The following NCOR1 variants were observed in gnomAD, a reference collection of about 807,000 sequenced individuals.
NCOR1 encodes protein phosphatase 1, regulatory subunit 109.
NCOR1 carries 63 observed loss-of-function variants against 288.1 expected under a neutral mutation model. The observed-to-expected ratio is 0.22, with a 90% confidence interval of 0.18 to 0.27. The LOEUF (loss-of-function observed/expected upper bound fraction) is 0.27, where lower values mean the gene tolerates loss of function less well. Among genes scored for constraint, NCOR1 ranks in the 10% least tolerant of loss-of-function variants. NCOR1 has a pLI of 1.00. For synonymous variants in NCOR1, 1,007 were observed against 1,065.9 expected (o/e 0.94, Z 1.08); for missense variants, 2,397 against 3,019.2 (o/e 0.79, Z 4.83).
intron 37 of NCOR1, among the ~76,000 whole-genome samples, chr17:16,058,974 G>A (rs866713962): frequency 1.0e-4 from 15 of 150,746 alleles, no homozygotes; most frequent in South Asian, 2.1e-4. Context: ...GCTTGAACCC[G>A]GGAGGCGGAG....
chr17:16,149,572 G>A, intron 8 of NCOR1, 55 bp from the exon 9 acceptor site: 2 of 820,550 alleles, frequency 2.4e-6, no homozygotes, highest in Non-Finnish European at 1.9e-6. Flanking sequence ...ATTTAATAAT[G>A]CATTCACTTT....
intron 43 of NCOR1, chr17:16,040,139 A>G (rs1428552652): frequency 1.9e-6 from 1 of 526,920 alleles, no homozygotes; most frequent in Admixed American, 2.2e-5. Context: ...TTTGTTTCCC[A>G]AGTGAATCAG....
chr17:16,032,125 T>C lies in NCOR1; in HGVS notation c.*171A>G, dbSNP rs1213523924. 4.6e-6 allele frequency: 3 copies of C among 658,838 alleles called. No individual in the cohort carries two copies. Among genetic ancestry groups the C allele is most frequent in the Admixed American group, 3.9e-5 (1 of 25,526 alleles). 40.8% of individuals were successfully genotyped at this position (658,838 alleles called of 1,614,324 possible). A position where few individuals can be genotyped will look rare whatever the true frequency, so the allele number is the denominator to read the frequency against. ...AGTTTTTTGTTTGTTTTTTTCCCAT[T>C]TGACTCTCCAAATGAACTTCCATCA... On this transcript the variant is annotated 3_prime_UTR_variant, in exon 46 of 46. Coordinates refer to ENST00000268712, the MANE Select transcript of NCOR1 (RefSeq NM_006311.4).
intron 13 of NCOR1, 168 bp downstream of exon 13, chr17:16,137,984 CTGTGTT>C (rs1385201280): frequency 1.9e-5 from 10 of 538,620 alleles, no homozygotes; most frequent in African/African-American, 1.6e-4. Flanking sequence ...GTTCTGTGTT[CTGTGTT>C]ACGATTTCTC....
At chr17:16,063,582 C>T (rs948625295) in intron 35 of NCOR1, among the ~76,000 whole-genome samples, 9 of 152,184 alleles carry the variant, frequency 5.9e-5, no homozygotes, top group African/African-American at 1.9e-4. Flanking sequence ...CCGGGACCAG[C>T]CATACCCACT....
In NCOR1 at chr17:16,072,246, C is replaced by G. The variant is rs201256682; in HGVS notation, c.3812-18G>C. On this transcript the variant is annotated intron_variant, in intron 28 of 45. Coordinates refer to ENST00000268712, the MANE Select transcript of NCOR1 (RefSeq NM_006311.4). ...TATCAGCCCTTCCAAAACAAGAAAG[C>G]AATTCAATTATTCAACATAATGTAT... is the stretch of plus-strand genomic sequence containing the variant. The G allele has an allele frequency of 7.7e-4, 1,218 of 1,583,568 alleles. 10 individuals are homozygous for G. Among genetic ancestry groups the G allele is most frequent in the South Asian group, 8.6e-4 (77 of 89,224 alleles).
At chr17:16,143,083 A>T (rs2077375207) in intron 11 of NCOR1, among the ~76,000 whole-genome samples, 1 of 152,256 alleles carries the variant, frequency 6.6e-6, no homozygotes, top group Admixed American at 6.5e-5. Flanking sequence ...GATGACTCTG[A>T]TATCTAACCA....
At chr17:16,083,808 C>T (rs952427655) in intron 23 of NCOR1, among the ~76,000 whole-genome samples, 1 of 152,000 alleles carries the variant, frequency 6.6e-6, no homozygotes, top group Non-Finnish European at 1.5e-5. Flanking sequence ...TTTCCCCTTA[C>T]TTTGCTACAT....
chr17:16,044,131 T>C (rs2058228036), intron 42 of NCOR1, among the ~76,000 whole-genome samples: 1 of 133,968 alleles, frequency 7.5e-6, no homozygotes. Context: ...ATCGTGCCAC[T>C]GCACTCCAGC....
chr17:16,070,368 T>G lies in NCOR1; in HGVS notation c.4310A>C (p.Asp1437Ala). Residue 1437 changes from aspartate to alanine, a missense_variant, in exon 31 of 46, where the codon GAT becomes GCT. Physicochemically the swap from Asp to Ala is moderately radical, Grantham distance 126. Transcript: ENST00000268712. ...IKVVERGKYE[D>A]VKAGETVRSR... ...ACGCACGGTCTCGCCTGCTTTCACA[T>G]CCTCATATTTTCCCCGTTCTACCAC... 2 of 1,614,154 alleles carry G rather than the reference T, an allele frequency of 1.2e-6. No individual in the cohort carries two copies. The highest frequency in any genetic ancestry group is 1.7e-6 in the Non-Finnish European group (2 of 1,180,022).
intron 3 of NCOR1, among the ~76,000 whole-genome samples, chr17:16,183,758 G>A (rs1361141386): frequency 6.6e-6 from 1 of 152,050 alleles, no homozygotes; most frequent in Non-Finnish European, 1.5e-5. Context: ...TCACATGGAA[G>A]TATAAAAGAC....
At chr17:16,166,021 G>C (rs1206071571) in intron 4 of NCOR1, among the ~76,000 whole-genome samples, 3 of 152,154 alleles carry the variant, frequency 2.0e-5, no homozygotes, top group African/African-American at 7.2e-5. Context: ...CAATAGTTCT[G>C]AGTCAAGAAT....
In NCOR1 at chr17:16,171,495, C is replaced by G. The variant is rs535230614; in HGVS notation, c.435+308G>C. ...TAACAAAACTAGTAGTCTTGAGTAC[C>G]TCTGACCACATTTTATAGCCAGCAA... On this transcript the variant is annotated intron_variant, in intron 4 of 45. Transcript: ENST00000268712. Among the ~76,000 whole-genome samples the G allele has an allele frequency of 2.6e-5, 4 of 152,116 alleles. No individual in the cohort carries two copies. The East Asian group carries it at 7.7e-4, about 29-fold the overall frequency.
chr17:16,073,634 G>T, intron 27 of NCOR1, 65 bp from the exon 28 acceptor site: 1 of 1,329,570 alleles, frequency 7.5e-7, no homozygotes, highest in Non-Finnish European at 9.9e-7. Context: ...CAGTAAATAG[G>T]TTAGTTTCAT....
intron 3 of NCOR1, among the ~76,000 whole-genome samples, chr17:16,183,230 CA>C (rs59665102): frequency 0.017 from 1,067 of 64,080 alleles, 5 homozygotes; most frequent in African/African-American, 0.036. Flanking sequence ...AGCAATCAAA[CA>C]AAAAAAAAAA....
At chr17:16,098,289 A>G in intron 21 of NCOR1, 78 bp downstream of exon 21, 1 of 1,427,918 alleles carries the variant, frequency 7.0e-7, no homozygotes, top group Non-Finnish European at 9.7e-7. Context: ...TCAAGAACCA[A>G]TTAAAGAACA....
chr17:16,044,997 A>AAT, intron 42 of NCOR1: 1 of 477,852 alleles, frequency 2.1e-6, no homozygotes, highest in Non-Finnish European at 3.8e-6. Context: ...AGCTGAACTT[A>AAT]AGAAAAAAAA....
intron 2 of NCOR1, among the ~76,000 whole-genome samples, chr17:16,193,526 C>A (rs918618945): frequency 6.6e-6 from 1 of 152,132 alleles, no homozygotes; most frequent in Admixed American, 6.6e-5. Context: ...AGCCACCGCG[C>A]CCGGCCTGAT....
At position 16,046,985 on chromosome 17, in the gene NCOR1, C is replaced by G. The variant is rs200790263; in HGVS notation, c.6645G>C (p.Lys2215Asn). 10 of 1,614,094 alleles carry G rather than the reference C, an allele frequency of 6.2e-6. No homozygotes were observed. In the East Asian group the frequency reaches 2.0e-4, roughly 32 times the overall value. Residue 2215 changes from lysine to asparagine, a missense_variant, in exon 42 of 46, where the codon AAG becomes AAC. Around this residue, in one of 11 missense-constraint regions of NCOR1, gnomAD observed 1,872 missense variants for 2,187.8 expected, o/e 0.86. Coordinates refer to ENST00000268712, the MANE Select transcript of NCOR1 (RefSeq NM_006311.4). ...AGTCACCTCCACCAGAGGAGTTCAACTTACGAAAAATCTCCTGCTTCTTTG... is the reference window on the plus strand; with the variant it reads ...AGTCACCTCCACCAGAGGAGTTCAAGTTACGAAAAATCTCCTGCTTCTTTG... ...VKSKKQEIFR[K>N]LNSSGGGDSD...
Sources: allele counts gnomAD v4.1 joint callset (sites outside exome capture counted in the v4.1 genomes callset), GRCh38; gene constraint gnomAD v4.1.1; regional missense constraint gnomAD v4.1.1; transcripts MANE v1.5; gene names NCBI Gene and HGNC (gene_info 2026-07-23, HGNC 2026-07-21).